The following ARFGEF2 variants were observed in gnomAD, a reference collection of about 807,000 sequenced individuals.
ARFGEF2 encodes ARF guanine nucleotide exchange factor 2.
ARFGEF2 carries 74 observed loss-of-function variants against 219.9 expected under a neutral mutation model. That is an observed-to-expected ratio of 0.34 (90% CI 0.28 to 0.41). The LOEUF is 0.41. Among genes scored for constraint, ARFGEF2 ranks in the 10% least tolerant of loss-of-function variants. The probability of loss-of-function intolerance (pLI) is 1.00; values close to 1 mark genes in which losing one functional copy is unlikely to be tolerated. For synonymous variants in ARFGEF2, 733 were observed against 799.2 expected (o/e 0.92, Z 1.40); for missense variants, 1,743 against 2,218.3 (o/e 0.79, Z 4.30).
At chr20:48,990,971 C>T (rs2091354306) in intron 20 of ARFGEF2, 69 bp from the exon 21 acceptor site, 1 of 1,542,316 alleles carries the variant, frequency 6.5e-7, no homozygotes, top group African/African-American at 1.4e-5. Context: ...AGTGTGCCAG[C>T]CCTGCAGATG....
intron 1 of ARFGEF2, among the ~76,000 whole-genome samples, chr20:48,938,973 TTTGTTTG>T (rs2090977297): frequency 6.7e-6 from 1 of 148,856 alleles, no homozygotes; most frequent in South Asian, 2.2e-4. Flanking sequence ...ATGGGTTTTT[TTTGTTTG>T]TTTTTTTTTT....
chr20:49,027,381 C>T (rs1600560257), intron 36 of ARFGEF2, among the ~76,000 whole-genome samples: 1 of 152,218 alleles, frequency 6.6e-6, no homozygotes, highest in Non-Finnish European at 1.5e-5. Context: ...CTAATGGTTT[C>T]GCCAGCCAAT....
At chr20:49,014,760 T>TTAAA (rs1409154112) in intron 30 of ARFGEF2, among the ~76,000 whole-genome samples, 1 of 152,184 alleles carries the variant, frequency 6.6e-6, no homozygotes, top group African/African-American at 2.4e-5. Flanking sequence ...ACCATATCTC[T>TTAAA]TAAATAAATA....
chr20:48,970,970 C>G (rs1470339696), intron 9 of ARFGEF2, 150 bp from the exon 10 acceptor site: 7 of 718,748 alleles, frequency 9.7e-6, no homozygotes, highest in Non-Finnish European at 1.7e-5. Context: ...GGACCCAACT[C>G]ATGCCATCTG....
chr20:48,952,148 CTTTTTTTTTTTTT>C (rs11475141), intron 4 of ARFGEF2, among the ~76,000 whole-genome samples: 1 of 55,448 alleles, frequency 1.8e-5, no homozygotes, highest in East Asian at 6.5e-4. Context: ...GAAGTTTGGC[CTTTTTTTTTTTTT>C]TTTTTTTTTT....
Position 48,950,812 on chromosome 20 carries a change from ATATATATATATATATATATATATAT to A in ARFGEF2, c.277-510_277-486del, listed in dbSNP as rs1463806075. Among the ~76,000 whole-genome samples, 51 of 43,992 alleles carry A rather than the reference ATATATATATATATATATATATATAT, an allele frequency of 1.2e-3. 1 individual carries two copies. Among genetic ancestry groups the A allele is most frequent in the African/African-American group, 5.0e-3 (50 of 9,932 alleles). The allele number at this position is 43,992 out of a possible 152,430, so 28.9% of individuals were successfully genotyped here. A position where few individuals can be genotyped will look rare whatever the true frequency, so the allele number is the denominator to read the frequency against. On this transcript the variant is annotated intron_variant, in intron 3 of 38. Transcript: ENST00000371917. ...CCCTGTCTAAAAAAAAAAAAAAAAA[ATATATATATATATATATATATATAT>A]ATATATATATGTATGTATATACATG...
At chr20:49,003,695 T>C (rs529325519) in intron 25 of ARFGEF2, among the ~76,000 whole-genome samples, 1 of 152,260 alleles carries the variant, frequency 6.6e-6, no homozygotes, top group Admixed American at 6.5e-5. Flanking sequence ...CTGCAAGATA[T>C]CCCCAGATCT....
intron 30 of ARFGEF2, 45 bp downstream of exon 30, chr20:49,014,005 A>T (rs759116536): frequency 1.4e-5 from 22 of 1,612,216 alleles, no homozygotes; most frequent in Non-Finnish European, 1.9e-5. Flanking sequence ...TGGAGAGGAA[A>T]GCCTTTCTGG....
chr20:48,979,313 C>T (rs1369134022), intron 14 of ARFGEF2, among the ~76,000 whole-genome samples: 2 of 152,128 alleles, frequency 1.3e-5, no homozygotes, highest in African/African-American at 2.4e-5. Flanking sequence ...CCTTGCTTCC[C>T]AGGGATGAAG....
At chr20:48,974,932 AG>A (rs1439304729) in intron 13 of ARFGEF2, 58 bp downstream of exon 13, 4 of 1,383,196 alleles carry the variant, frequency 2.9e-6, no homozygotes, top group Non-Finnish European at 4.1e-6. Flanking sequence ...TACGACTGCT[AG>A]GAACAGTTGT....
chr20:48,955,192 T>G (rs2091098544), intron 6 of ARFGEF2, among the ~76,000 whole-genome samples: 1 of 152,166 alleles, frequency 6.6e-6, no homozygotes, highest in Admixed American at 6.5e-5. Flanking sequence ...TTCTCTTTTT[T>G]GCTACACAGT....
intron 7 of ARFGEF2, 68 bp from the exon 8 acceptor site, chr20:48,965,803 TG>T: frequency 6.3e-7 from 1 of 1,585,640 alleles, no homozygotes. Context: ...AACTTCTTTT[TG>T]GTGTCAGGCA....
chr20:48,979,413 C>A (rs1023710620), intron 14 of ARFGEF2, among the ~76,000 whole-genome samples: 2 of 152,172 alleles, frequency 1.3e-5, no homozygotes, highest in Non-Finnish European at 2.9e-5. Flanking sequence ...TGATGTTCAT[C>A]AGGGATATTC....
At chr20:48,922,522 T>G (rs2090849589) in intron 1 of ARFGEF2, among the ~76,000 whole-genome samples, 1 of 152,246 alleles carries the variant, frequency 6.6e-6, no homozygotes. Flanking sequence ...TTGTAGAAGG[T>G]GTTCTGGATC....
intron 1 of ARFGEF2, among the ~76,000 whole-genome samples, chr20:48,930,706 G>A (rs2090907934): frequency 6.6e-6 from 1 of 152,172 alleles, no homozygotes; most frequent in Non-Finnish European, 1.5e-5. Flanking sequence ...ATGTGAAATG[G>A]GAAGTGGCCA....
intron 35 of ARFGEF2, 69 bp downstream of exon 35, chr20:49,023,250 G>A (rs1296769410): frequency 1.5e-5 from 24 of 1,594,288 alleles, no homozygotes; most frequent in Middle Eastern, 3.7e-4. Flanking sequence ...AGTGGTGTGC[G>A]GAAGCCAGCT....
chr20:49,002,483 T>A (rs1036453775), intron 25 of ARFGEF2, among the ~76,000 whole-genome samples: 8 of 152,224 alleles, frequency 5.3e-5, no homozygotes, highest in African/African-American at 1.4e-4. Context: ...GTACCTCATA[T>A]AAGTAGAATC....
chr20:49,009,770 A>G (rs2091484861), intron 26 of ARFGEF2, among the ~76,000 whole-genome samples: 1 of 152,246 alleles, frequency 6.6e-6, no homozygotes, highest in African/African-American at 2.4e-5. Context: ...AAATCTTAAG[A>G]AGATACACAC....
chr20:48,928,060 G>A (rs1285573987), intron 1 of ARFGEF2, among the ~76,000 whole-genome samples: 1 of 152,174 alleles, frequency 6.6e-6, no homozygotes, highest in Non-Finnish European at 1.5e-5. Context: ...GTTTCCCAAG[G>A]TGATAAAGAT....
Sources: allele counts gnomAD v4.1 joint callset (sites outside exome capture counted in the v4.1 genomes callset), GRCh38; gene constraint gnomAD v4.1.1; transcripts MANE v1.5; gene names NCBI Gene and HGNC (gene_info 2026-07-23, HGNC 2026-07-21).